Variants in DSP observed in about 807,000 individuals in gnomAD.
DSP encodes the protein 250/210 kDa paraneoplastic pemphigus antigen.
In DSP, 114 loss-of-function variants were observed where a neutral mutation model predicts 290.6. That is an observed-to-expected ratio of 0.39 (90% CI 0.34 to 0.46). The LOEUF (loss-of-function observed/expected upper bound fraction) is 0.46, where lower values mean the gene tolerates loss of function less well. DSP is among the 20% of genes least tolerant of loss of function. DSP has a pLI of 0.99. For missense variants in DSP, 3,230 were observed against 3,495.8 expected (o/e 0.92, Z 1.92); for synonymous variants, 1,311 against 1,316.4 (o/e 1.00, Z 0.09).
Position 7,583,889 on chromosome 6 carries a change from C to G in DSP, c.6627C>G (p.Ser2209=). ...LLLSVQKRSM[S]FQGIRQPVTV... is the part of the protein sequence containing the mutation. Reference sequence around the variant, plus strand: ...TTTCAGTACAGAAGAGAAGCATGTCCTTCCAAGGAATCAGACAACCTGTGA... The same window carrying G: ...TTTCAGTACAGAAGAGAAGCATGTCGTTCCAAGGAATCAGACAACCTGTGA... Residue 2209 remains serine, a synonymous_variant, in exon 24 of 24, where the codon TCC becomes TCG. Transcript: ENST00000379802. The surrounding 1 kb of genome is among the most constrained non-coding windows in gnomAD (Gnocchi z 4.0). 1 of 1,614,106 alleles carries G rather than the reference C, an allele frequency of 6.2e-7. No homozygotes were observed. The highest frequency in any genetic ancestry group is 8.5e-7 in the Non-Finnish European group (1 of 1,180,014).
chr6:7,557,540 C>T (rs186891667), intron 2 of DSP, among the ~76,000 whole-genome samples: 1 of 152,190 alleles, frequency 6.6e-6, no homozygotes, highest in African/African-American at 2.4e-5. Flanking sequence ...ATTAGCCTGG[C>T]GTGGTGGCAC....
Position 7,571,992 on chromosome 6 carries a change from GGAT to G in DSP, c.2057_2059del (p.Met686del). ...AGGCAGATAGAGCACTGCGAGGGCA[GGAT>G]GACTCTCAAAAACCTCCCTCTAGCA... On this transcript the variant is annotated inframe_deletion, in exon 15 of 24. Transcript: ENST00000379802. The G allele has an allele frequency of 6.2e-7, 1 of 1,614,200 alleles. No homozygotes were observed. Among genetic ancestry groups the G allele is most frequent in the South Asian group, 1.1e-5 (1 of 91,086 alleles).
In DSP at chr6:7,554,410, C is replaced by T. The variant is rs187720694; in HGVS notation, c.171-1308C>T. Among the ~76,000 whole-genome samples, 581 of 152,234 alleles carry T rather than the reference C, an allele frequency of 3.8e-3. 4 individuals are homozygous for T. The highest frequency in any genetic ancestry group is 6.2e-3 in the Non-Finnish European group (423 of 68,016). On this transcript the variant is annotated intron_variant, in intron 1 of 23. Coordinates refer to ENST00000379802, the MANE Select transcript of DSP (RefSeq NM_004415.4). ...GATACAGACCATCTGCAACATTTTCCGCCAACACCACCGTTGTTTTAAGGT... is the reference window on the plus strand; with the variant it reads ...GATACAGACCATCTGCAACATTTTCTGCCAACACCACCGTTGTTTTAAGGT...
chr6:7,575,462 A>G lies in DSP; in HGVS notation c.2604A>G (p.Gln868=). The change falls in exon 18 of 24, where the codon CAA becomes CAG. Residue 868 remains glutamine, a synonymous_variant. Transcript: ENST00000379802. ...TCACACAGCTGACAGACCGCTGGCAAAGGATAGATAAACAGATCGACTTTA... is the reference window on the plus strand; with the variant it reads ...TCACACAGCTGACAGACCGCTGGCAGAGGATAGATAAACAGATCGACTTTA... ...EKVTQLTDRW[Q]RIDKQIDFRL... 1.2e-6 allele frequency: 2 copies of G among 1,614,222 alleles called. No individual in the cohort carries two copies. Among genetic ancestry groups the G allele is most frequent in the Non-Finnish European group, 8.5e-7 (1 of 1,180,034 alleles).
chr6:7,574,527 C>G, intron 16 of DSP, 130 bp from the exon 17 acceptor site: 1 of 1,394,116 alleles, frequency 7.2e-7, no homozygotes, highest in Non-Finnish European at 1.0e-6. Flanking sequence ...TCACAATAGA[C>G]CAAAAAACAG....
At chr6:7,581,680 A>G in intron 23 of DSP, 111 bp downstream of exon 23, 1 of 1,484,132 alleles carries the variant, frequency 6.7e-7, no homozygotes, top group Admixed American at 2.1e-5. Context: ...TAGAAAATCT[A>G]ATTTTTCTTT....
chr6:7,551,938 G>A lies in DSP; in HGVS notation c.171-3780G>A, dbSNP rs1176044577. Among the ~76,000 whole-genome samples the A allele has an allele frequency of 5.3e-5, 8 of 152,144 alleles. No individual in the cohort carries two copies. The South Asian group carries it at 1.2e-3, about 24-fold the overall frequency. ...TATACCTAGTTCCTTTTCTCGCCTC[G>A]GTCTGTTTCCAAAGGGAATTCTTGG... On this transcript the variant is annotated intron_variant, in intron 1 of 23. Transcript: ENST00000379802.
chr6:7,572,081 T>C lies in DSP; in HGVS notation c.2130+13T>C. 3 of 1,607,466 alleles carry C rather than the reference T, an allele frequency of 1.9e-6. No individual in the cohort carries two copies. The South Asian group carries it at 3.3e-5, about 18-fold the overall frequency. ...TAACGAGCTTAAGGTAGGTATCTGC[T>C]AGTATTTTGCCTGGTTACCCTGTAT... is the stretch of plus-strand genomic sequence containing the variant. On this transcript the variant is annotated intron_variant, in intron 15 of 23. Transcript: ENST00000379802.
chr6:7,546,389 A>G (rs913100883), intron 1 of DSP, among the ~76,000 whole-genome samples: 5 of 152,228 alleles, frequency 3.3e-5, no homozygotes, highest in Admixed American at 6.5e-5. Flanking sequence ...TTTAACTTGT[A>G]TATTTTATAA....
chr6:7,577,478 A>G (rs531913335), intron 20 of DSP, among the ~76,000 whole-genome samples: 1 of 152,094 alleles, frequency 6.6e-6, no homozygotes, highest in South Asian at 2.1e-4. Flanking sequence ...ACAGGCATGC[A>G]CCACCATGCC....
At position 7,562,970 on chromosome 6, in the gene DSP, T is replaced by C. The variant is rs114907824; in HGVS notation, c.726+190T>C. Among the ~76,000 whole-genome samples the C allele has an allele frequency of 4.7e-3, 720 of 152,324 alleles. 8 individuals carry two copies. Among genetic ancestry groups the C allele is most frequent in the African/African-American group, 0.016 (674 of 41,564 alleles). Reference sequence around the variant, plus strand: ...GCCCTATTAGAGATTATGTTAACACTTGAAGAGGAGTTAAACCAGAGGCTG... The same window carrying C: ...GCCCTATTAGAGATTATGTTAACACCTGAAGAGGAGTTAAACCAGAGGCTG... On this transcript the variant is annotated intron_variant, in intron 5 of 23. Coordinates refer to ENST00000379802, the MANE Select transcript of DSP (RefSeq NM_004415.4).
intron 13 of DSP, 113 bp from the exon 14 acceptor site, chr6:7,571,270 G>GA: frequency 1.0e-6 from 1 of 965,782 alleles, no homozygotes; most frequent in Non-Finnish European, 1.7e-6. Context: ...ATGAGCCTGT[G>GA]ATGAGTGTTG....
chr6:7,570,570 C>A lies in DSP; in HGVS notation c.1701+7C>A, dbSNP rs1207773387. 3.1e-6 allele frequency: 5 copies of A among 1,612,518 alleles called. No individual in the cohort carries two copies. Among genetic ancestry groups the A allele is most frequent in the Non-Finnish European group, 4.2e-6 (5 of 1,180,018 alleles). On this transcript the variant is annotated splice_region_variant and intron_variant, in intron 13 of 23. Transcript: ENST00000379802. ...GGCCATGACAATCGCCAAGGTATGT[C>A]CTCAGGGCCACTTAGGCTGCCTGGA...
chr6:7,578,211 C>T (rs555267366), intron 21 of DSP, among the ~76,000 whole-genome samples: 1 of 152,318 alleles, frequency 6.6e-6, no homozygotes, highest in Admixed American at 6.5e-5. Flanking sequence ...AAGACAGCCT[C>T]TTCTCAAAGA....
intron 4 of DSP, 68 bp from the exon 5 acceptor site, chr6:7,562,584 T>C (rs1315954419): frequency 1.9e-6 from 3 of 1,609,896 alleles, no homozygotes; most frequent in Non-Finnish European, 2.5e-6. Context: ...GCCGTGATGG[T>C]GTGCGTAAGT....
At chr6:7,561,383 T>C (rs1758688098) in intron 4 of DSP, among the ~76,000 whole-genome samples, 1 of 152,226 alleles carries the variant, frequency 6.6e-6, no homozygotes, top group Admixed American at 6.5e-5. Context: ...GGATTTGCTG[T>C]GGCTCCTTTC....
At position 7,570,538 on chromosome 6, in the gene DSP, A is replaced by G; in HGVS notation, c.1676A>G (p.Lys559Arg). Residue 559 changes from lysine (K) to arginine (R), a missense_variant, in exon 13 of 24, where the codon AAG (lysine) becomes AGG (arginine). By Grantham distance (26) the Lys-to-Arg change is conservative. This residue lies in a region of DSP where 81 missense variants were observed against 130.5 expected (regional missense o/e 0.62). Transcript: ENST00000379802. ...CACTACTGCATGATTGACATAGAGA[A>G]GATCAGGGCCATGACAATCGCCAAG... Reference protein sequence around the residue: ...SWHYCMIDIEKIRAMTIAKLK... With the variant: ...SWHYCMIDIERIRAMTIAKLK... 6.2e-7 allele frequency: 1 copy of G among 1,613,706 alleles called. No individual in the cohort carries two copies. Among genetic ancestry groups the G allele is most frequent in the Non-Finnish European group, 8.5e-7 (1 of 1,180,030 alleles).
rs1561690811 is a variant in DSP, at chr6:7,571,974, T to C, written c.2036T>C (p.Ile679Thr). The C allele has an allele frequency of 1.2e-6, 2 of 1,614,180 alleles. No individual in the cohort carries two copies. Among genetic ancestry groups the C allele is most frequent in the Non-Finnish European group, 1.7e-6 (2 of 1,180,026 alleles). Residue 679 changes from isoleucine (I) to threonine (T), a missense_variant, in exon 15 of 24, where the codon ATA (isoleucine) becomes ACA (threonine). By Grantham distance (89) the Ile-to-Thr change is moderately conservative. This residue lies in a region of DSP where 1,714 missense variants were observed against 1,844.5 expected (regional missense o/e 0.93). Transcript: ENST00000379802. ...GAGCTGCAGAAGATTCGCAGGCAGA[T>C]AGAGCACTGCGAGGGCAGGATGACT... ...LMELQKIRRQ[I>T]EHCEGRMTLK...
chr6:7,576,565 A>C (rs1759247578), intron 19 of DSP, 109 bp downstream of exon 19: 1 of 1,400,824 alleles, frequency 7.1e-7, no homozygotes, highest in African/African-American at 1.4e-5. Context: ...TGAATATTTA[A>C]TATTACTAAC....
Sources: gnomAD v4.1 joint callset for allele counts (sites outside exome capture counted in the v4.1 genomes callset) on GRCh38, gnomAD v4.1.1 for gene constraint, gnomAD v4.1.1 regional missense constraint, Gnocchi (gnomAD v3.1) non-coding constraint, MANE v1.5 for transcripts, NCBI Gene and HGNC (gene_info 2026-07-23, HGNC 2026-07-21) for gene names.